ZBBX: variants seen among roughly 807,000 people sequenced by gnomAD.
The protein encoded by ZBBX is zinc finger B-box domain-containing protein 1.
A neutral mutation model predicts 108.5 loss-of-function variants in ZBBX; 101 were observed. That is an observed-to-expected ratio of 0.93 (90% CI 0.79 to 1.10). The LOEUF (loss-of-function observed/expected upper bound fraction) is 1.10. Ranked by LOEUF, ZBBX falls within the 50% of genes least tolerant of loss-of-function variation. ZBBX has a pLI of 0.00. For synonymous variants in ZBBX, 356 were observed against 323.4 expected (o/e 1.10, Z -1.08); for missense variants, 1,009 against 941.4 (o/e 1.07, Z -0.94).
intron 20 of ZBBX, among the ~76,000 whole-genome samples, chr3:167,263,771 T>C (rs1352742289): frequency 6.6e-6 from 1 of 152,232 alleles, no homozygotes; most frequent in East Asian, 1.9e-4. Flanking sequence ...TGTTTCTTCA[T>C]TGATTTTCTG....
chr3:167,316,939 T>C, intron 14 of ZBBX, 66 bp downstream of exon 14: 1 of 891,808 alleles, frequency 1.1e-6, no homozygotes, highest in Non-Finnish European at 1.8e-6. Context: ...AATATGCAGA[T>C]GTAAGTATAC....
the ZBBX span, among the ~76,000 whole-genome samples, chr3:167,220,096 G>A: frequency 6.6e-6 from 1 of 151,812 alleles, no homozygotes; most frequent in Non-Finnish European, 1.5e-5. Context: ...TGAGTTCGAA[G>A]TTGTAATAAA....
intron 7 of ZBBX, 37 bp from the exon 8 acceptor site, chr3:167,360,016 A>G (rs1300746772): frequency 1.6e-6 from 2 of 1,226,450 alleles, no homozygotes; most frequent in Non-Finnish European, 2.3e-6. Flanking sequence ...CAATCATTTA[A>G]AAATATGTTA....
the ZBBX span, among the ~76,000 whole-genome samples, chr3:167,184,667 C>T: frequency 6.6e-6 from 1 of 152,044 alleles, no homozygotes; most frequent in African/African-American, 2.4e-5. Flanking sequence ...CCAGAGACAC[C>T]CAGTGTCCTA....
intron 20 of ZBBX, among the ~76,000 whole-genome samples, chr3:167,261,876 C>T (rs140174795): frequency 3.3e-4 from 50 of 151,132 alleles, no homozygotes; most frequent in Admixed American, 1.2e-3. Flanking sequence ...AAATTCTGGA[C>T]AGAAGGCTTC....
chr3:167,267,066 C>T (rs56301103), intron 20 of ZBBX, among the ~76,000 whole-genome samples: 2,628 of 152,180 alleles, frequency 0.017, 75 homozygotes, highest in African/African-American at 0.06. Context: ...GTCACAGGGG[C>T]GACAAAGTAT....
At chr3:167,378,171 G>A (rs1243775152) in intron 2 of ZBBX, among the ~76,000 whole-genome samples, 1 of 152,110 alleles carries the variant, frequency 6.6e-6, no homozygotes, top group Non-Finnish European at 1.5e-5. Context: ...CTTCATAGCA[G>A]TGTGAGAATG....
At chr3:167,369,221 G>A (rs191811518) in intron 4 of ZBBX, among the ~76,000 whole-genome samples, 16 of 152,258 alleles carry the variant, frequency 1.1e-4, no homozygotes, top group African/African-American at 2.4e-4. Context: ...ATTAGCCACC[G>A]ACTCTTTCTT....
At chr3:167,361,337 T>G (rs1050701772) in intron 6 of ZBBX, among the ~76,000 whole-genome samples, 2 of 152,146 alleles carry the variant, frequency 1.3e-5, no homozygotes, top group African/African-American at 4.8e-5. Flanking sequence ...ATTTTAATAT[T>G]TTAGGAAGTA....
intron 1 of ZBBX, among the ~76,000 whole-genome samples, chr3:167,403,131 T>C (rs920344514): frequency 6.6e-6 from 1 of 151,980 alleles, no homozygotes; most frequent in East Asian, 1.9e-4. Context: ...TTATGCAAAA[T>C]GCACATAAGC....
intron 20 of ZBBX, among the ~76,000 whole-genome samples, chr3:167,245,344 C>T (rs1453466440): frequency 1.3e-5 from 2 of 152,198 alleles, no homozygotes; most frequent in Admixed American, 1.3e-4. Context: ...GCCTGGGCGA[C>T]AAAGCCCTAT....
At chr3:167,206,817 T>A in the ZBBX span, among the ~76,000 whole-genome samples, 1 of 152,034 alleles carries the variant, frequency 6.6e-6, no homozygotes, top group Non-Finnish European at 1.5e-5. Flanking sequence ...AATAGAGAGC[T>A]CATAAATGAA....
chr3:167,383,533 A>G (rs1747812520), upstream of ZBBX, among the ~76,000 whole-genome samples: 1 of 152,102 alleles, frequency 6.6e-6, no homozygotes, highest in South Asian at 2.1e-4. Flanking sequence ...AAGAGGTGAC[A>G]TTGGCCTTTT....
intron 20 of ZBBX, among the ~76,000 whole-genome samples, chr3:167,260,812 C>T (rs186285475): frequency 6.4e-4 from 98 of 152,322 alleles, no homozygotes; most frequent in African/African-American, 2.3e-3. Flanking sequence ...AACTGATCCC[C>T]TGAATTCTTT....
In ZBBX at chr3:167,317,595, G is replaced by T. The variant is rs1735675810; in HGVS notation, c.986C>A (p.Thr329Asn). ...CATTTTAAAAAGTTGCTCTTGTGGA[G>T]TTCTACAAAATAAGAAAGAAGCAAT... ...EKLWLKKHRR[T>N]PQEQLFKMLP... Residue 329 changes from threonine (T) to asparagine (N), a missense_variant and splice_region_variant, in exon 13 of 22, where the codon ACT (threonine) becomes AAT (asparagine). By Grantham distance (65) the Thr-to-Asn change is moderately conservative (BLOSUM62 0). Transcript: ENST00000675490. 6.2e-7 allele frequency: 1 copy of T among 1,600,166 alleles called. No homozygotes were observed. The highest frequency in any genetic ancestry group is 8.5e-7 in the Non-Finnish European group (1 of 1,173,166).
At chr3:167,257,736 A>G (rs1354312858) in intron 20 of ZBBX, among the ~76,000 whole-genome samples, 1 of 151,994 alleles carries the variant, frequency 6.6e-6, no homozygotes, top group African/African-American at 2.4e-5. Flanking sequence ...TTTGATTTGC[A>G]TTTACCTGAT....
chr3:167,298,060 T>C (rs1314070775), intron 18 of ZBBX, among the ~76,000 whole-genome samples: 1 of 152,068 alleles, frequency 6.6e-6, no homozygotes, highest in Admixed American at 6.6e-5. Flanking sequence ...GTTATTCCTT[T>C]ACAGCAACAC....
Position 167,317,495 on chromosome 3 carries a change from A to T in ZBBX, c.1086T>A (p.Asp362Glu). The stretch of plus-strand genomic sequence containing the variant: ...AATCAAGTATGAACTAACCATCACT[A>T]TCTTCATCGTTTTCATTTTGAGAAC... ...AQCSQNENDE[D>E]SDGEETKVQH... The change falls in exon 13 of 22, where the codon GAT becomes GAA. Residue 362 changes from aspartate (D) to glutamate (E), a missense_variant. Transcript: ENST00000675490. 6.2e-7 allele frequency: 1 copy of T among 1,605,938 alleles called. No homozygotes were observed. The highest frequency in any genetic ancestry group is 8.5e-7 in the Non-Finnish European group (1 of 1,175,134).
At chr3:167,206,750 C>T in the ZBBX span, among the ~76,000 whole-genome samples, 1 of 151,906 alleles carries the variant, frequency 6.6e-6, no homozygotes, top group African/African-American at 2.4e-5. Flanking sequence ...TATCACAATG[C>T]TATAGTAAAA....
Sources: allele counts gnomAD v4.1 joint callset (sites outside exome capture counted in the v4.1 genomes callset), GRCh38; gene constraint gnomAD v4.1.1; transcripts MANE v1.5; gene names NCBI Gene and HGNC (gene_info 2026-07-23, HGNC 2026-07-21).